CNBD2: variants seen among roughly 807,000 people sequenced by gnomAD.
CNBD2 encodes cyclic nucleotide binding domain containing 2.
In CNBD2, 64 loss-of-function variants were observed where a neutral mutation model predicts 63.7. The ratio of observed to expected loss-of-function variants is 1.00; its 90% CI spans 0.82 to 1.24. The LOEUF (loss-of-function observed/expected upper bound fraction) is 1.24. Ranked by LOEUF, CNBD2 falls within the 50% of genes most tolerant of loss-of-function variation. The pLI is 0.00. For missense variants in CNBD2, 691 were observed against 713.5 expected (o/e 0.97, Z 0.36); for synonymous variants, 229 against 255.4 (o/e 0.90, Z 0.99).
At chr20:36,025,528 G>T (rs1357908367) in intron 11 of CNBD2, among the ~76,000 whole-genome samples, 4 of 151,998 alleles carry the variant, frequency 2.6e-5, no homozygotes, top group East Asian at 3.9e-4. Flanking sequence ...AGAGATGGGG[G>T]TCTCATTACG....
At chr20:35,998,137 G>A (rs1439846285) in intron 8 of CNBD2, among the ~76,000 whole-genome samples, 1 of 150,120 alleles carries the variant, frequency 6.7e-6, no homozygotes, top group Non-Finnish European at 1.5e-5. Context: ...CACCCCCCAG[G>A]TTCGAGCAAT....
At chr20:36,007,779 C>T (rs2057004685) in intron 8 of CNBD2, among the ~76,000 whole-genome samples, 1 of 152,162 alleles carries the variant, frequency 6.6e-6, no homozygotes, top group African/African-American at 2.4e-5. Flanking sequence ...ACTTTGATCT[C>T]CCAAAGTGCT....
chr20:35,996,391 C>G (rs1307287079), intron 8 of CNBD2, among the ~76,000 whole-genome samples: 1 of 130,230 alleles, frequency 7.7e-6, no homozygotes, highest in Non-Finnish European at 1.6e-5. Context: ...AGCCTTATCC[C>G]AACTCAGTAA....
intron 1 of CNBD2, among the ~76,000 whole-genome samples, chr20:35,970,775 G>C (rs1281398119): frequency 1.3e-5 from 2 of 152,084 alleles, no homozygotes; most frequent in Admixed American, 6.6e-5. Flanking sequence ...GAGTGCAGTG[G>C]CACGATCATA....
chr20:36,015,210 C>G (rs2057118085), intron 10 of CNBD2, among the ~76,000 whole-genome samples: 1 of 152,028 alleles, frequency 6.6e-6, no homozygotes, highest in African/African-American at 2.4e-5. Context: ...CTTAACCAGG[C>G]TGTTTGATTT....
At chr20:36,028,737 G>A (rs766578824) in intron 11 of CNBD2, among the ~76,000 whole-genome samples, 6 of 145,440 alleles carry the variant, frequency 4.1e-5, no homozygotes, top group South Asian at 2.2e-4. Context: ...GTGCAGTCTC[G>A]TGATCTCAGG....
At chr20:35,995,634 T>C (rs1307209019) in intron 8 of CNBD2, among the ~76,000 whole-genome samples, 1 of 152,236 alleles carries the variant, frequency 6.6e-6, no homozygotes, top group Non-Finnish European at 1.5e-5. Context: ...TATTCTAATG[T>C]ATGCATATAC....
chr20:35,975,522 G>A (rs112761942), intron 2 of CNBD2, among the ~76,000 whole-genome samples: 6 of 148,986 alleles, frequency 4.0e-5, no homozygotes, highest in Non-Finnish European at 7.5e-5. Context: ...GGATGGTCTC[G>A]ATCTCCTGAC....
chr20:35,971,016 C>G (rs1454479912), intron 1 of CNBD2, among the ~76,000 whole-genome samples: 1 of 146,306 alleles, frequency 6.8e-6, no homozygotes, highest in African/African-American at 2.5e-5. Flanking sequence ...GGCGGGATCT[C>G]GGCTCACTGC....
chr20:35,997,216 C>T (rs1377419134), intron 8 of CNBD2, among the ~76,000 whole-genome samples: 1 of 152,154 alleles, frequency 6.6e-6, no homozygotes, highest in Admixed American at 6.6e-5. Flanking sequence ...TTATCTCTTA[C>T]CTCCTGCTCA....
At chr20:35,969,062 G>A (rs1429173096) in intron 1 of CNBD2, among the ~76,000 whole-genome samples, 1 of 152,180 alleles carries the variant, frequency 6.6e-6, no homozygotes, top group Non-Finnish European at 1.5e-5. Flanking sequence ...CTGCTATTAT[G>A]AGATCCAGAG....
At position 36,001,646 on chromosome 20, in the gene CNBD2, G is replaced by A. The variant is rs1468406317; in HGVS notation, c.970+6494G>A. ...GGGCTCCTCACTTCTCAGATGGGGC[G>A]GTTGCCAGGCGGAGGGTCTCCTCAC... On this transcript the variant is annotated intron_variant, in intron 8 of 11. Transcript: ENST00000373973. Among the ~76,000 whole-genome samples, 24 of 151,132 alleles carry A rather than the reference G, an allele frequency of 1.6e-4. No homozygotes were observed. In the South Asian group the frequency reaches 3.1e-3, roughly 20 times the overall value.
At chr20:36,024,266 C>T (rs549571385) in intron 11 of CNBD2, among the ~76,000 whole-genome samples, 1 of 152,078 alleles carries the variant, frequency 6.6e-6, no homozygotes, top group Non-Finnish European at 1.5e-5. Context: ...ACCCGGGAGA[C>T]AGAGGTTGCA....
intron 10 of CNBD2, among the ~76,000 whole-genome samples, chr20:36,021,116 CA>C (rs763080490): frequency 3.3e-5 from 5 of 152,080 alleles, no homozygotes. Flanking sequence ...CTGTGTGCCC[CA>C]AATCACATAA....
At chr20:36,013,346 A>G (rs2147339181) in intron 10 of CNBD2, among the ~76,000 whole-genome samples, 1 of 152,212 alleles carries the variant, frequency 6.6e-6, no homozygotes, top group South Asian at 2.1e-4. Context: ...TGAACCCGGG[A>G]GTTGGAGCTT....
At chr20:35,955,388 A>C (rs1275959365), downstream of CNBD2, 1 of 152,218 alleles carries the variant, frequency 6.6e-6, no homozygotes. Flanking sequence ...TTACTTTTTA[A>C]ATGCAGCTTC....
chr20:36,009,979 G>A (rs1449868986), intron 9 of CNBD2, among the ~76,000 whole-genome samples: 1 of 152,132 alleles, frequency 6.6e-6, no homozygotes, highest in South Asian at 2.1e-4. Flanking sequence ...TTTGTTCCAG[G>A]TTGCGCAGGT....
chr20:36,023,017 T>C (rs1199509308), intron 10 of CNBD2, among the ~76,000 whole-genome samples: 2 of 152,156 alleles, frequency 1.3e-5, no homozygotes, highest in Non-Finnish European at 2.9e-5. Context: ...AAAGCTGTAA[T>C]TGGACATTGG....
At chr20:36,000,673 C>G (rs1332474024) in intron 8 of CNBD2, among the ~76,000 whole-genome samples, 1 of 152,064 alleles carries the variant, frequency 6.6e-6, no homozygotes, top group Non-Finnish European at 1.5e-5. Flanking sequence ...ATTCTTGTGC[C>G]TCAGCCTCAC....
Sources: allele counts gnomAD v4.1 joint callset (sites outside exome capture counted in the v4.1 genomes callset), GRCh38; gene constraint gnomAD v4.1.1; transcripts MANE v1.5; gene names NCBI Gene and HGNC (gene_info 2026-07-23, HGNC 2026-07-21).